The following DCP1A variants were observed in gnomAD, a reference collection of about 807,000 sequenced individuals.
DCP1A encodes decapping mRNA 1A, also known as mRNA-decapping enzyme 1A.
Under a neutral mutation model 58.0 loss-of-function variants are expected in DCP1A, and 20 were observed. The observed-to-expected ratio is 0.34, with a 90% CI of 0.24 to 0.50. DCP1A has a LOEUF of 0.50. DCP1A is among the 20% of genes least tolerant of loss of function. The pLI is 0.98. For synonymous variants in DCP1A, 285 were observed against 275.1 expected, an observed-to-expected ratio of 1.04 and a Z score of -0.36; for missense variants, 613 against 712.2, an observed-to-expected ratio of 0.86 and a Z score of 1.59.
At chr3:53,298,364 T>G (rs1707199074) in intron 6 of DCP1A, among the ~76,000 whole-genome samples, 1 of 152,252 alleles carries the variant, frequency 6.6e-6, no homozygotes, top group South Asian at 2.1e-4. Context: ...ATTCTCTAAC[T>G]TTCTCTAGAA....
At chr3:53,323,006 A>C (rs1256560108) in intron 3 of DCP1A, among the ~76,000 whole-genome samples, 2 of 151,864 alleles carry the variant, frequency 1.3e-5, no homozygotes, top group African/African-American at 4.8e-5. Flanking sequence ...TTGTATTTTT[A>C]GTAGAGATGG....
chr3:53,337,068 C>T (rs1299585914), intron 3 of DCP1A, among the ~76,000 whole-genome samples: 2 of 151,986 alleles, frequency 1.3e-5, no homozygotes, highest in African/African-American at 2.4e-5. Context: ...GATGGGGTTT[C>T]GCCGTGTTGG....
intron 4 of DCP1A, among the ~76,000 whole-genome samples, chr3:53,317,536 A>G (rs1369600803): frequency 6.6e-6 from 1 of 152,178 alleles, no homozygotes; most frequent in Non-Finnish European, 1.5e-5. Flanking sequence ...ACAAGTGATC[A>G]TCTAATAAAT....
intron 6 of DCP1A, among the ~76,000 whole-genome samples, chr3:53,302,213 T>C (rs1268044320): frequency 3.9e-5 from 6 of 152,228 alleles, no homozygotes; most frequent in African/African-American, 1.4e-4. Flanking sequence ...ATGTTATCAA[T>C]GGGCAAATGG....
At chr3:53,320,369 G>A (rs1356008879) in intron 3 of DCP1A, among the ~76,000 whole-genome samples, 2 of 114,642 alleles carry the variant, frequency 1.7e-5, no homozygotes, top group Non-Finnish European at 3.9e-5. Context: ...TACTATAACT[G>A]CTTTTTGGAT....
chr3:53,336,007 T>C (rs984837528), intron 3 of DCP1A, among the ~76,000 whole-genome samples: 1 of 151,956 alleles, frequency 6.6e-6, no homozygotes, highest in East Asian at 1.9e-4. Context: ...GCCATGTTGC[T>C]CATGTTGGTC....
intron 3 of DCP1A, among the ~76,000 whole-genome samples, chr3:53,322,514 T>G (rs1478310867): frequency 6.6e-6 from 1 of 151,888 alleles, no homozygotes; most frequent in African/African-American, 2.4e-5. Flanking sequence ...AATATAATTT[T>G]GAGTCTTTCT....
chr3:53,311,828 C>T (rs1707651890), intron 5 of DCP1A, among the ~76,000 whole-genome samples: 2 of 152,198 alleles, frequency 1.3e-5, no homozygotes, highest in African/African-American at 4.8e-5. Flanking sequence ...AGACCATCTT[C>T]TCCCATAGTA....
At chr3:53,312,639 C>T (rs929163565) in intron 4 of DCP1A, among the ~76,000 whole-genome samples, 24 of 151,752 alleles carry the variant, frequency 1.6e-4, no homozygotes, top group East Asian at 3.9e-4. Context: ...GGGACTACAG[C>T]GCCCACCACC....
At chr3:53,303,113 C>T (rs1362657456) in intron 6 of DCP1A, among the ~76,000 whole-genome samples, 2 of 151,578 alleles carry the variant, frequency 1.3e-5, no homozygotes, top group Admixed American at 6.6e-5. Flanking sequence ...TCACGTCTGG[C>T]TAATTTTAAA....
At chr3:53,315,744 GTTTTTTTTTTTTGTTT>G (rs1460474002) in intron 4 of DCP1A, among the ~76,000 whole-genome samples, 1 of 95,416 alleles carries the variant, frequency 1.0e-5, no homozygotes, top group South Asian at 3.6e-4. Context: ...TCAGTTTGTT[GTTTTTTTTTTTTGTTT>G]TTTTTTTTTT....
At chr3:53,289,798 T>A (rs1047389766) in intron 8 of DCP1A, among the ~76,000 whole-genome samples, 1 of 152,142 alleles carries the variant, frequency 6.6e-6, no homozygotes, top group Non-Finnish European at 1.5e-5. Context: ...TCAGTATTTG[T>A]CAGATTTGAT....
At chr3:53,335,971 T>C (rs901976145) in intron 3 of DCP1A, among the ~76,000 whole-genome samples, 1 of 151,884 alleles carries the variant, frequency 6.6e-6, no homozygotes, top group African/African-American at 2.4e-5. Context: ...GCTAATTTTT[T>C]GTATTTTTTA....
At chr3:53,316,474 A>G (rs1707816644) in intron 4 of DCP1A, among the ~76,000 whole-genome samples, 2 of 151,718 alleles carry the variant, frequency 1.3e-5, no homozygotes, top group Non-Finnish European at 2.9e-5. Flanking sequence ...TGTTGCCCAG[A>G]TTGATCTTGA....
rs189376981 is a variant in DCP1A, at chr3:53,296,184, C to T, written c.625-3357G>A. ...TGCTGGGATTACAGGCATGAGCCAC[C>T]GCGCCCGGCCCACCATGTGGTCTTA... On this transcript the variant is annotated intron_variant, in intron 6 of 9. Coordinates refer to ENST00000610213, the MANE Select transcript of DCP1A (RefSeq NM_018403.7). Among the ~76,000 whole-genome samples the T allele has an allele frequency of 2.0e-4, 31 of 152,120 alleles. No individual in the cohort carries two copies. In the East Asian group the frequency reaches 3.3e-3, roughly 16 times the overall value.
chr3:53,322,357 C>T (rs1213499709), intron 3 of DCP1A, among the ~76,000 whole-genome samples: 1 of 151,538 alleles, frequency 6.6e-6, no homozygotes, highest in Non-Finnish European at 1.5e-5. Context: ...GAGGCTGAGG[C>T]AGGAGACTCT....
rs781785116 is a variant in DCP1A at position 53,288,150 on chromosome 3, G to C, written c.1583C>G (p.Thr528Ser). Residue 528 changes from threonine to serine, a missense_variant, in exon 9 of 10, where the codon ACT (threonine) becomes AGT (serine). By Grantham distance (58) the Thr-to-Ser change is moderately conservative. Around this residue, in one of 3 missense-constraint regions of DCP1A, gnomAD observed 498 missense variants for 556.7 expected, o/e 0.89. Transcript: ENST00000610213. The part of the protein sequence containing the change: ...ERKASSPSPL[T>S]IGTPESQRKP... Reference sequence around the variant, plus strand: ...TCTCTGACTTTCTGGCGTTCCAATAGTTAGAGGAGAAGGGGAGCTGGCTTT... The same window carrying C: ...TCTCTGACTTTCTGGCGTTCCAATACTTAGAGGAGAAGGGGAGCTGGCTTT... The C allele has an allele frequency of 8.1e-6, 13 of 1,614,022 alleles. No homozygotes were observed. In the East Asian group the frequency reaches 2.7e-4, roughly 33 times the overall value.
chr3:53,294,442 C>T (rs1296950581), intron 6 of DCP1A, among the ~76,000 whole-genome samples: 1 of 151,926 alleles, frequency 6.6e-6, no homozygotes, highest in Non-Finnish European at 1.5e-5. Context: ...GGAAGAGCAC[C>T]TAGGGTTAGG....
intron 2 of DCP1A, among the ~76,000 whole-genome samples, chr3:53,343,907 G>A (rs1283222095): frequency 6.6e-5 from 10 of 152,140 alleles, no homozygotes; most frequent in Non-Finnish European, 1.3e-4. Context: ...CACTGCACCC[G>A]GCCGATCCCT....
Sources: allele counts gnomAD v4.1 joint callset (sites outside exome capture counted in the v4.1 genomes callset), GRCh38; gene constraint gnomAD v4.1.1; regional missense constraint gnomAD v4.1.1; transcripts MANE v1.5; gene names NCBI Gene and HGNC (gene_info 2026-07-23, HGNC 2026-07-21).